FRMD6: variants seen among roughly 807,000 people sequenced by gnomAD.
FRMD6 encodes the protein FERM domain-containing protein 6.
In FRMD6, 37 loss-of-function variants were observed where a neutral mutation model predicts 73.2. The ratio of observed to expected loss-of-function variants is 0.51; its 90% CI spans 0.39 to 0.66. The LOEUF is 0.66. Among genes scored for constraint, FRMD6 ranks in the 30% least tolerant of loss-of-function variants. The probability of loss-of-function intolerance (pLI) is 0.00; values close to 1 mark genes in which losing one functional copy is unlikely to be tolerated. For missense variants in FRMD6, 714 were observed against 780.5 expected, an observed-to-expected ratio of 0.91 and a Z score of 1.02; for synonymous variants, 273 against 282.2, an observed-to-expected ratio of 0.97 and a Z score of 0.33.
the FRMD6 span, among the ~76,000 whole-genome samples, chr14:51,404,986 C>A: frequency 6.6e-6 from 1 of 152,064 alleles, no homozygotes; most frequent in South Asian, 2.1e-4. Flanking sequence ...TCTATGAGTT[C>A]TCATCATTTA....
At chr14:51,714,505 T>TA (rs1322391308) in intron 9 of FRMD6, 1 of 152,202 alleles carries the variant, frequency 6.6e-6, no homozygotes, top group Admixed American at 6.5e-5. Flanking sequence ...TTAGGAAAGT[T>TA]AAAAGAGTTC....
At chr14:51,432,956 A>T in the FRMD6 span, among the ~76,000 whole-genome samples, 1 of 152,244 alleles carries the variant, frequency 6.6e-6, no homozygotes, top group African/African-American at 2.4e-5. Context: ...AATGGCCCTT[A>T]AACATGAAAC....
the FRMD6 span, among the ~76,000 whole-genome samples, chr14:51,399,217 AT>A: frequency 2.0e-5 from 3 of 152,100 alleles, no homozygotes; most frequent in Non-Finnish European, 2.9e-5. Context: ...TAAACATTGC[AT>A]TCAGCAGGTC....
At chr14:51,536,696 C>A (rs1001142600) in intron 1 of FRMD6, among the ~76,000 whole-genome samples, 1 of 152,144 alleles carries the variant, frequency 6.6e-6, no homozygotes, top group African/African-American at 2.4e-5. Flanking sequence ...GGATTACAGG[C>A]GTGAGCCACC....
At chr14:51,601,941 C>T (rs1890053916) in intron 2 of FRMD6, among the ~76,000 whole-genome samples, 1 of 152,194 alleles carries the variant, frequency 6.6e-6, no homozygotes, top group Non-Finnish European at 1.5e-5. Context: ...ATTGTAAGCA[C>T]CAGTAGATAA....
the FRMD6 span, among the ~76,000 whole-genome samples, chr14:51,438,880 T>TA: frequency 0.51 from 78,158 of 151,944 alleles, 20,441 homozygotes; most frequent in East Asian, 0.68. Flanking sequence ...ACTGGCTATG[T>TA]AAAATGTGGC....
the FRMD6 span, among the ~76,000 whole-genome samples, chr14:51,426,353 G>T: frequency 6.6e-6 from 1 of 151,984 alleles, no homozygotes; most frequent in Non-Finnish European, 1.5e-5. Flanking sequence ...CCGCGTCTGT[G>T]TGTCCTTCCC....
chr14:51,631,997 G>C (rs537848105), intron 2 of FRMD6, among the ~76,000 whole-genome samples: 1 of 152,192 alleles, frequency 6.6e-6, no homozygotes, highest in Non-Finnish European at 1.5e-5. Context: ...TTGAATTGTA[G>C]TTCCCATAAT....
chr14:51,528,271 G>C (rs1885375212), intron 1 of FRMD6, among the ~76,000 whole-genome samples: 3 of 152,264 alleles, frequency 2.0e-5, no homozygotes, highest in African/African-American at 7.2e-5. Context: ...AGAGCAACTT[G>C]TGTTCTCTCC....
At chr14:51,542,090 A>G (rs35502288) in intron 1 of FRMD6, among the ~76,000 whole-genome samples, 41,621 of 151,892 alleles carry the variant, frequency 0.27, 6,221 homozygotes, top group South Asian at 0.35. Context: ...GTGCTTCAAA[A>G]TAGGATCTCT....
the FRMD6 span, among the ~76,000 whole-genome samples, chr14:51,410,211 T>C: frequency 2.0e-5 from 3 of 152,238 alleles, no homozygotes; most frequent in Admixed American, 1.3e-4. Flanking sequence ...CTGTAAAGAA[T>C]CTAGCATTTG....
chr14:51,525,493 TGCTGACCTTGTGATCC>T (rs879785654), intron 1 of FRMD6, among the ~76,000 whole-genome samples: 99 of 152,160 alleles, frequency 6.5e-4, no homozygotes, highest in Non-Finnish European at 1.1e-3. Context: ...GGTCTTGATC[TGCTGACCTTGTGATCC>T]GCTGACCTTG....
At chr14:51,454,072 G>T in the FRMD6 span, among the ~76,000 whole-genome samples, 1 of 152,224 alleles carries the variant, frequency 6.6e-6, no homozygotes, top group Non-Finnish European at 1.5e-5. Flanking sequence ...CCCGCCAGCA[G>T]CCAGCAGGGA....
intron 1 of FRMD6, among the ~76,000 whole-genome samples, chr14:51,505,295 T>G (rs1230842315): frequency 2.6e-5 from 4 of 152,192 alleles, no homozygotes; most frequent in Non-Finnish European, 5.9e-5. Context: ...GGTCTCAAAC[T>G]CCTGACCTCA....
In FRMD6 at chr14:51,704,884, G is replaced by A. The variant is rs374849145; in HGVS notation, c.507G>A (p.Arg169=). ...AGGCTGATCTTGGGAACTTCAAAAG[G>A]AATAAGCACTATGGAAAATACTTCG... is the stretch of plus-strand genomic sequence containing the variant. The part of the protein sequence containing the change: ...ALQADLGNFK[R]NKHYGKYFEP... Residue 169 remains arginine (R), a synonymous_variant, in exon 6 of 14, where the codon AGG becomes AGA. Transcript: ENST00000344768. 519 of 1,613,200 alleles carry A rather than the reference G, an allele frequency of 3.2e-4. 1 individual carries two copies. The highest frequency in any genetic ancestry group is 4.1e-4 in the Non-Finnish European group (486 of 1,179,534).
At chr14:51,666,145 T>A (rs1214326956) in intron 1 of FRMD6, among the ~76,000 whole-genome samples, 1 of 152,238 alleles carries the variant, frequency 6.6e-6, no homozygotes, top group Non-Finnish European at 1.5e-5. Context: ...CTTTCTTAAT[T>A]TACTATGCCA....
At chr14:51,554,584 C>T (rs1016854982) in intron 1 of FRMD6, 1 of 152,156 alleles carries the variant, frequency 6.6e-6, no homozygotes, top group African/African-American at 2.4e-5. Context: ...GTGACTTTCT[C>T]CCCAGAATCC....
At chr14:51,420,801 G>A in the FRMD6 span, among the ~76,000 whole-genome samples, 2 of 152,156 alleles carry the variant, frequency 1.3e-5, no homozygotes, top group African/African-American at 4.8e-5. Context: ...TTTGAATGGA[G>A]TCTCGCTCTG....
At chr14:51,416,555 G>GGAGTGCTTTACTTCCAACT in the FRMD6 span, among the ~76,000 whole-genome samples, 3 of 152,186 alleles carry the variant, frequency 2.0e-5, no homozygotes, top group African/African-American at 7.2e-5. Context: ...CATTTGCTGA[G>GGAGTGCTTTACTTCCAACT]GAGTGCTTTA....
Sources: gnomAD v4.1 joint callset for allele counts (sites outside exome capture counted in the v4.1 genomes callset) on GRCh38, gnomAD v4.1.1 for gene constraint, MANE v1.5 for transcripts, NCBI Gene and HGNC (gene_info 2026-07-23, HGNC 2026-07-21) for gene names.